Variants in PGAP2 observed in about 807,000 individuals in gnomAD.
The protein encoded by PGAP2 is post-GPI attachment to proteins 2.
PGAP2 carries 21 observed loss-of-function variants against 33.2 expected under a neutral mutation model. That is an observed-to-expected ratio of 0.63 (90% CI 0.45 to 0.91). The LOEUF is 0.91. Ranked by LOEUF, PGAP2 falls within the 40% of genes least tolerant of loss-of-function variation. The pLI is 0.00. For missense variants in PGAP2, 345 were observed against 424.0 expected (o/e 0.81, Z 1.64); for synonymous variants, 161 against 172.9 (o/e 0.93, Z 0.54).
upstream of PGAP2, among the ~76,000 whole-genome samples, chr11:3,806,973 A>G (rs564649766): frequency 6.6e-6 from 1 of 151,462 alleles, no homozygotes; most frequent in African/African-American, 2.4e-5. Context: ...GTGAGCCGAG[A>G]TCGTGGCACT....
chr11:3,798,179 G>C, intron 1 of PGAP2: 1 of 1,339,034 alleles, frequency 7.5e-7, no homozygotes, highest in South Asian at 1.7e-5. Flanking sequence ...ACCCATGCTC[G>C]CCCCAGCACT....
intron 3 of PGAP2, among the ~76,000 whole-genome samples, chr11:3,819,850 A>T (rs769897294): frequency 6.6e-6 from 1 of 151,980 alleles, no homozygotes; most frequent in Non-Finnish European, 1.5e-5. Flanking sequence ...CTGTGTGTAT[A>T]TGTGCGTGTG....
At chr11:3,818,468 TA>T (rs1260313150) in intron 3 of PGAP2, among the ~76,000 whole-genome samples, 1 of 150,430 alleles carries the variant, frequency 6.6e-6, no homozygotes, top group Non-Finnish European at 1.5e-5. Context: ...ACTGAGGAGG[TA>T]AAATGAGGCC....
intron 3 of PGAP2, among the ~76,000 whole-genome samples, chr11:3,820,949 T>C (rs980022552): frequency 1.9e-4 from 29 of 152,234 alleles, no homozygotes; most frequent in Non-Finnish European, 3.2e-4. Flanking sequence ...ACCCAGCTAA[T>C]AAAGGCAGAG....
At chr11:3,808,771 A>C in intron 1 of PGAP2, 120 bp downstream of exon 1, 1 of 299,138 alleles carries the variant, frequency 3.3e-6, no homozygotes, top group Non-Finnish European at 5.0e-6. Context: ...CTGCCGTCCT[A>C]TCGCACACAC....
chr11:3,820,393 A>G (rs1565038884), intron 3 of PGAP2, among the ~76,000 whole-genome samples: 1 of 152,212 alleles, frequency 6.6e-6, no homozygotes, highest in African/African-American at 2.4e-5. Flanking sequence ...TTTAGAATTC[A>G]TATGGCTTGG....
At chr11:3,801,141 A>C (rs2083386524) in intron 1 of PGAP2, among the ~76,000 whole-genome samples, 1 of 151,744 alleles carries the variant, frequency 6.6e-6, no homozygotes, top group Admixed American at 6.6e-5. Context: ...TCTTCAAAAA[A>C]AAAAGAAAAG....
chr11:3,820,745 C>G (rs1262249098), intron 3 of PGAP2, among the ~76,000 whole-genome samples: 2 of 152,124 alleles, frequency 1.3e-5, no homozygotes, highest in Non-Finnish European at 2.9e-5. Context: ...ATCACTTGAA[C>G]CTGGGAGGCG....
chr11:3,800,431 G>C (rs1447683995), intron 1 of PGAP2, among the ~76,000 whole-genome samples: 3 of 152,200 alleles, frequency 2.0e-5, no homozygotes, highest in Admixed American at 6.5e-5. Context: ...CTTTGAGTCA[G>C]AGAACCCTGG....
At chr11:3,824,965 G>C in intron 5 of PGAP2, 55 bp from the exon 6 acceptor site, 8 of 1,610,360 alleles carry the variant, frequency 5.0e-6, no homozygotes, top group Non-Finnish European at 6.8e-6. Context: ...TGAGAGGGGA[G>C]CCCACGCTCT....
At chr11:3,822,775 G>C in intron 3 of PGAP2, 1 of 534,352 alleles carries the variant, frequency 1.9e-6, no homozygotes, top group Non-Finnish European at 3.3e-6. Flanking sequence ...TGGAGTCTAA[G>C]AGAGCCTCTT....
upstream of PGAP2, chr11:3,808,239 G>A (rs2084798885): frequency 1.3e-6 from 2 of 1,545,080 alleles, no homozygotes; most frequent in Admixed American, 2.0e-5. Flanking sequence ...GGAGAGACGG[G>A]CGGATGAGAA....
chr11:3,808,211 G>C, upstream of PGAP2: 1 of 1,514,516 alleles, frequency 6.6e-7, no homozygotes, highest in Non-Finnish European at 9.0e-7. Flanking sequence ...AGTTCGGTTA[G>C]AATGGAGGTG....
chr11:3,821,889 C>G (rs2088766122), intron 3 of PGAP2, among the ~76,000 whole-genome samples: 1 of 149,516 alleles, frequency 6.7e-6, no homozygotes, highest in African/African-American at 2.4e-5. Context: ...ATGGCAAAAC[C>G]CTGTTGCTAC....
Position 3,825,508 on chromosome 11 carries a change from A to T in PGAP2, c.*50A>T. On this transcript the variant is annotated 3_prime_UTR_variant, in exon 7 of 7. Coordinates refer to ENST00000278243, the MANE Select transcript of PGAP2 (RefSeq NM_014489.4). ...CGCAGCCCACTGCCCAGAAACAAGA[A>T]ACACGATACCATTCTGGCCTTCCCC... The T allele has an allele frequency of 6.3e-7, 1 of 1,586,768 alleles. No individual in the cohort carries two copies.
intron 1 of PGAP2, chr11:3,798,104 T>A (rs547916329): frequency 4.0e-6 from 6 of 1,487,150 alleles, no homozygotes; most frequent in Non-Finnish European, 5.3e-6. Context: ...TTGGAAGGTC[T>A]GTCTGTCCAA....
At chr11:3,824,536 G>C in intron 5 of PGAP2, 160 bp downstream of exon 5, 1 of 1,122,104 alleles carries the variant, frequency 8.9e-7, no homozygotes, top group Non-Finnish European at 1.3e-6. Flanking sequence ...ACAAACTGAG[G>C]GTGGTTGGTC....
chr11:3,810,701 T>G lies in PGAP2; in HGVS notation c.-10-549T>G, dbSNP rs140726915. ...GCAGGGGGCTTGGGGTTCTGTCAGCTTCCATGGAATCCCTGCCACTGTGGA... is the reference window on the plus strand; with the variant it reads ...GCAGGGGGCTTGGGGTTCTGTCAGCGTCCATGGAATCCCTGCCACTGTGGA... On this transcript the variant is annotated intron_variant, in intron 1 of 6. Transcript: ENST00000278243. 2.2e-3 allele frequency among the ~76,000 whole-genome samples: 332 copies of G among 152,268 alleles called. 4 individuals carry two copies. Among genetic ancestry groups the G allele is most frequent in the African/African-American group, 7.6e-3 (316 of 41,554 alleles).
At position 3,817,341 on chromosome 11, in the gene PGAP2, C is replaced by T. The variant is rs1322156966; in HGVS notation, c.166-12C>T. 4.4e-6 allele frequency: 7 copies of T among 1,604,372 alleles called. No individual in the cohort carries two copies. The East Asian group carries it at 6.7e-5, about 15-fold the overall frequency. On this transcript the variant is annotated splice_polypyrimidine_tract_variant and intron_variant, in intron 2 of 6. Coordinates refer to ENST00000278243, the MANE Select transcript of PGAP2 (RefSeq NM_014489.4). Reference sequence around the variant, plus strand: ...CTACCAGGCCCCAAGTTGTATCCCTCGTGCTGCTTAGGCCACGCCCTGCAG... The same window carrying T: ...CTACCAGGCCCCAAGTTGTATCCCTTGTGCTGCTTAGGCCACGCCCTGCAG...
Sources: allele counts gnomAD v4.1 joint callset (sites outside exome capture counted in the v4.1 genomes callset), GRCh38; gene constraint gnomAD v4.1.1; transcripts MANE v1.5; gene names NCBI Gene and HGNC (gene_info 2026-07-23, HGNC 2026-07-21).